PDZD2: variants seen among roughly 807,000 people sequenced by gnomAD.
The protein encoded by PDZD2 is PDZ domain containing 2, also known as PDZ domain-containing protein 2.
A neutral mutation model predicts 220.7 loss-of-function variants in PDZD2; 90 were observed. That is an observed-to-expected ratio of 0.41 (90% CI 0.34 to 0.49). The LOEUF (loss-of-function observed/expected upper bound fraction) is 0.49. Ranked by LOEUF, PDZD2 falls within the 20% of genes least tolerant of loss-of-function variation. PDZD2 has a pLI of 0.28. For missense variants in PDZD2, 3,174 were observed against 3,608.5 expected (o/e 0.88, Z 3.08); for synonymous variants, 1,375 against 1,450.5 (o/e 0.95, Z 1.18).
At chr5:32,104,092 T>C (rs1401506144) in intron 24 of PDZD2, 36 of 152,158 alleles carry the variant, frequency 2.4e-4, no homozygotes, top group Admixed American at 2.4e-3. Context: ...GATCCCACCT[T>C]TGGAAACTAG....
intron 1 of PDZD2, among the ~76,000 whole-genome samples, chr5:31,699,766 T>TG (rs1354484281): frequency 1.5e-5 from 2 of 134,602 alleles, no homozygotes; most frequent in African/African-American, 2.8e-5. Flanking sequence ...CATGCCTGGC[T>TG]GTTTTTTTTT....
chr5:31,771,009 A>G (rs6892469), intron 1 of PDZD2, among the ~76,000 whole-genome samples: 87,637 of 151,974 alleles, frequency 0.58, 26,073 homozygotes, highest in Middle Eastern at 0.69. Flanking sequence ...GAAGCTTGCT[A>G]TTTATGGAAA....
intron 1 of PDZD2, among the ~76,000 whole-genome samples, chr5:31,741,080 G>T (rs985734557): frequency 3.3e-5 from 5 of 152,136 alleles, no homozygotes; most frequent in Admixed American, 2.0e-4. Context: ...GCAAAAAATT[G>T]TTTGAAATCC....
intron 2 of PDZD2, among the ~76,000 whole-genome samples, chr5:31,897,827 C>T (rs1468466264): frequency 1.3e-5 from 2 of 151,882 alleles, no homozygotes; most frequent in Non-Finnish European, 2.9e-5. Context: ...ACCTCTACCT[C>T]CCAGGTTCAA....
At chr5:31,850,095 C>CGT (rs1182008592) in intron 2 of PDZD2, among the ~76,000 whole-genome samples, 1 of 76,208 alleles carries the variant, frequency 1.3e-5, no homozygotes, top group Non-Finnish European at 2.4e-5. Context: ...AGTATATATA[C>CGT]GTGTATATAT....
At chr5:32,093,145 T>C in intron 21 of PDZD2, 121 bp downstream of exon 21, 1 of 630,424 alleles carries the variant, frequency 1.6e-6, no homozygotes, top group South Asian at 2.0e-5. Context: ...GAGGACTGCC[T>C]TGGGTTGCGA....
At chr5:31,809,156 G>A (rs1166676295) in intron 2 of PDZD2, among the ~76,000 whole-genome samples, 7 of 152,052 alleles carry the variant, frequency 4.6e-5, no homozygotes, top group Non-Finnish European at 8.8e-5. Context: ...AGAGTGTGGC[G>A]ATGGCCATTG....
chr5:32,036,722 A>G (rs1030090848), intron 6 of PDZD2, among the ~76,000 whole-genome samples: 1 of 152,254 alleles, frequency 6.6e-6, no homozygotes, highest in Non-Finnish European at 1.5e-5. Context: ...ACTAAAATGT[A>G]TAGCTGCCAT....
intron 1 of PDZD2, among the ~76,000 whole-genome samples, chr5:31,703,363 A>G (rs1295241033): frequency 6.6e-6 from 1 of 152,242 alleles, no homozygotes; most frequent in African/African-American, 2.4e-5. Flanking sequence ...ATTCTCAGCA[A>G]GCTAACACAG....
chr5:31,723,379 G>A (rs954026489), intron 1 of PDZD2, among the ~76,000 whole-genome samples: 1 of 151,584 alleles, frequency 6.6e-6, no homozygotes, highest in Non-Finnish European at 1.5e-5. Context: ...GACATGTCAA[G>A]TCACTTTTGT....
intron 1 of PDZD2, among the ~76,000 whole-genome samples, chr5:31,647,219 C>T (rs140754051): frequency 1.5e-4 from 23 of 152,242 alleles, no homozygotes; most frequent in African/African-American, 5.3e-4. Flanking sequence ...ATGCCTAGTA[C>T]ATGGGTAAAA....
chr5:32,104,940 G>T (rs1474630894), intron 24 of PDZD2, among the ~76,000 whole-genome samples: 1 of 151,792 alleles, frequency 6.6e-6, no homozygotes, highest in South Asian at 2.1e-4. Flanking sequence ...TTCAAGACCG[G>T]TCTGGGCCAC....
intron 8 of PDZD2, among the ~76,000 whole-genome samples, chr5:32,051,879 C>G (rs1032135823): frequency 1.3e-5 from 2 of 152,098 alleles, no homozygotes; most frequent in African/African-American, 4.8e-5. Context: ...AGTTTTTGAT[C>G]GAGTGAGTTA....
chr5:31,699,128 C>T (rs1041747756), intron 1 of PDZD2, among the ~76,000 whole-genome samples: 9 of 152,134 alleles, frequency 5.9e-5, no homozygotes, highest in African/African-American at 1.9e-4. Flanking sequence ...TGTGAAGACC[C>T]TGTCTTCACT....
intron 2 of PDZD2, among the ~76,000 whole-genome samples, chr5:31,891,208 C>T (rs1741009791): frequency 1.4e-5 from 2 of 146,338 alleles, no homozygotes; most frequent in South Asian, 4.3e-4. Context: ...GCGATCTCGG[C>T]TCACTGCCAT....
chr5:31,741,982 T>A (rs1213842852), intron 1 of PDZD2: 1 of 152,204 alleles, frequency 6.6e-6, no homozygotes, highest in Non-Finnish European at 1.5e-5. Flanking sequence ...AACTGCATAG[T>A]GGAGGTCTCT....
intron 1 of PDZD2, among the ~76,000 whole-genome samples, chr5:31,704,704 T>C (rs1160523525): frequency 1.3e-5 from 2 of 152,222 alleles, no homozygotes; most frequent in African/African-American, 4.8e-5. Context: ...GTTCTAGCAA[T>C]GGAAATCAAA....
At chr5:31,688,544 T>C (rs977632798) in intron 1 of PDZD2, among the ~76,000 whole-genome samples, 1 of 152,172 alleles carries the variant, frequency 6.6e-6, no homozygotes, top group Non-Finnish European at 1.5e-5. Flanking sequence ...TTCCAACCCA[T>C]TGTCCTACGA....
intron 2 of PDZD2, among the ~76,000 whole-genome samples, chr5:31,870,250 C>T (rs1364247373): frequency 6.6e-6 from 1 of 152,204 alleles, no homozygotes; most frequent in Non-Finnish European, 1.5e-5. Context: ...TAGCTTACCA[C>T]ATATGCCCAC....
Sources: gnomAD v4.1 joint callset for allele counts (sites outside exome capture counted in the v4.1 genomes callset) on GRCh38, gnomAD v4.1.1 for gene constraint, MANE v1.5 for transcripts, NCBI Gene and HGNC (gene_info 2026-07-23, HGNC 2026-07-21) for gene names.